COL4A1: variants seen among roughly 807,000 people sequenced by gnomAD.
The protein encoded by COL4A1 is collagen type IV alpha 1 chain.
A neutral mutation model predicts 216.6 loss-of-function variants in COL4A1; 40 were observed. That is an observed-to-expected ratio of 0.18 (90% confidence interval 0.14 to 0.24). The LOEUF (loss-of-function observed/expected upper bound fraction) is 0.24. COL4A1 is among the 10% of genes least tolerant of loss of function. The pLI is 1.00. For missense variants in COL4A1, 1,628 were observed against 2,196.8 expected (o/e 0.74, Z 5.18); for synonymous variants, 839 against 810.7 (o/e 1.03, Z -0.59).
chr13:110,205,791 AG>A (rs1566373424), intron 15 of COL4A1, among the ~76,000 whole-genome samples: 2 of 150,994 alleles, frequency 1.3e-5, no homozygotes, highest in Non-Finnish European at 3.0e-5. Context: ...TGAACCCAGG[AG>A]GCGGAGGTTG....
At chr13:110,298,367 C>T (rs796843777) in intron 1 of COL4A1, among the ~76,000 whole-genome samples, 1 of 152,308 alleles carries the variant, frequency 6.6e-6, no homozygotes, top group African/African-American at 2.4e-5. Context: ...TCAAGAAGAT[C>T]GCCCACTACA....
rs1278590817 is a variant in COL4A1, at chr13:110,182,952, C to T, written c.2095+41G>A. The T allele has an allele frequency of 3.2e-6, 5 of 1,569,044 alleles. No homozygotes were observed. In the East Asian group the frequency reaches 1.1e-4, roughly 36 times the overall value. ...CCACCTCCTCTTTTCTCACAGAAGTCACAGGTGGACCAAAGGCTCGGGTCC... is the reference window on the plus strand; with the variant it reads ...CCACCTCCTCTTTTCTCACAGAAGTTACAGGTGGACCAAAGGCTCGGGTCC... On this transcript the variant is annotated intron_variant, in intron 28 of 51. Transcript: ENST00000375820.
intron 49 of COL4A1, among the ~76,000 whole-genome samples, chr13:110,159,760 T>C (rs1021257945): frequency 6.6e-6 from 1 of 152,232 alleles, no homozygotes; most frequent in Admixed American, 6.5e-5. Flanking sequence ...CAATGAAATA[T>C]TATTTGGCCC....
chr13:110,297,200 C>A (rs1410836152), intron 1 of COL4A1, among the ~76,000 whole-genome samples: 2 of 152,208 alleles, frequency 1.3e-5, no homozygotes, highest in Admixed American at 6.5e-5. Flanking sequence ...TTCCCAGGGA[C>A]CAGCCTAACT....
intron 36 of COL4A1, 98 bp from the exon 37 acceptor site, chr13:110,175,455 GA>G: frequency 6.4e-7 from 1 of 1,559,218 alleles, no homozygotes; most frequent in Non-Finnish European, 8.7e-7. Flanking sequence ...TGAGATACAA[GA>G]ACGTGAATCC....
At chr13:110,249,611 T>C (rs980182548) in intron 1 of COL4A1, among the ~76,000 whole-genome samples, 3 of 152,132 alleles carry the variant, frequency 2.0e-5, no homozygotes, top group African/African-American at 7.2e-5. Context: ...AGAAGAGGAC[T>C]CCAGGGACTT....
intron 1 of COL4A1, among the ~76,000 whole-genome samples, chr13:110,287,429 T>C (rs982101793): frequency 6.6e-6 from 1 of 152,230 alleles, no homozygotes; most frequent in African/African-American, 2.4e-5. Context: ...CTTATCTTTG[T>C]GAAGTTCCCG....
intron 2 of COL4A1, among the ~76,000 whole-genome samples, chr13:110,230,719 C>A (rs1881007939): frequency 6.6e-6 from 1 of 152,338 alleles, no homozygotes; most frequent in East Asian, 1.9e-4. Flanking sequence ...CTGTTCCTCA[C>A]GTTTGCTGGA....
chr13:110,259,976 C>T (rs1882748983), intron 1 of COL4A1, among the ~76,000 whole-genome samples: 1 of 152,180 alleles, frequency 6.6e-6, no homozygotes, highest in Non-Finnish European at 1.5e-5. Context: ...ACTCTGAAGG[C>T]TGCTGTACAT....
At position 110,206,705 on chromosome 13, in the gene COL4A1, C is replaced by G. The variant is rs763265579; in HGVS notation, c.818G>C (p.Gly273Ala). The G allele has an allele frequency of 1.2e-6, 2 of 1,614,152 alleles. No individual in the cohort carries two copies. Among genetic ancestry groups the G allele is most frequent in the East Asian group, 2.2e-5 (1 of 44,892 alleles). ...TCCGGGTTCACCTTTCTCTCCGACC[C>G]CTGGCATCCCCTTAAAGGAATAAAA... ...KGEPGFQGMP[G>A]VGEKGEPGKP... The change falls in exon 15 of 52, where the codon GGG (glycine) becomes GCG (alanine). Residue 273 changes from glycine (G) to alanine (A), a missense_variant. This residue lies in a region of COL4A1 where 701 missense variants were observed against 892.5 expected (regional missense o/e 0.79). Coordinates refer to ENST00000375820, the MANE Select transcript of COL4A1 (RefSeq NM_001845.6).
intron 41 of COL4A1, among the ~76,000 whole-genome samples, chr13:110,172,379 A>G (rs1406082210): frequency 2.6e-5 from 4 of 152,228 alleles, no homozygotes; most frequent in Non-Finnish European, 5.9e-5. Flanking sequence ...CTGCATTCAC[A>G]TAAGTATAAC....
intron 1 of COL4A1, among the ~76,000 whole-genome samples, chr13:110,248,756 A>G (rs1881949175): frequency 1.3e-5 from 2 of 152,072 alleles, no homozygotes; most frequent in South Asian, 4.1e-4. Flanking sequence ...GCCTCCCAAA[A>G]CGCTGGGATT....
At chr13:110,196,746 G>C (rs1470832822) in intron 21 of COL4A1, among the ~76,000 whole-genome samples, 1 of 152,202 alleles carries the variant, frequency 6.6e-6, no homozygotes, top group Non-Finnish European at 1.5e-5. Flanking sequence ...TGCAGCCACA[G>C]ATGGTTTAGA....
Position 110,306,996 on chromosome 13 carries a change from A to G in COL4A1, c.32T>C (p.Leu11Pro). 1 of 1,477,408 alleles carries G rather than the reference A, an allele frequency of 6.8e-7. No individual in the cohort carries two copies. The highest frequency in any genetic ancestry group is 1.3e-5 in the South Asian group (1 of 77,958). 91.5% of individuals were successfully genotyped at this position (1,477,408 alleles called of 1,614,324 possible). A position where few individuals can be genotyped will look rare whatever the true frequency, so the allele number is the denominator to read the frequency against. Reference sequence around the variant, plus strand: ...GTGGAGCAGAAGGGCGGCGGGCAGCAGCAGCAGCCAGACGCTGAGCCGGGG... The same window carrying G: ...GTGGAGCAGAAGGGCGGCGGGCAGCGGCAGCAGCCAGACGCTGAGCCGGGG... MGPRLSVWLL[L>P]LPAALLLHEE... The change falls in exon 1 of 52, where the codon CTG (leucine) becomes CCG (proline). Residue 11 changes from leucine to proline, a missense_variant. Leu to Pro is a moderately conservative substitution (Grantham distance 98). Around this residue, in one of 8 missense-constraint regions of COL4A1, gnomAD observed 74 missense variants for 61.7 expected, o/e 1.20. Coordinates refer to ENST00000375820, the MANE Select transcript of COL4A1 (RefSeq NM_001845.6).
At chr13:110,223,262 T>A (rs188295289) in intron 2 of COL4A1, among the ~76,000 whole-genome samples, 1 of 152,170 alleles carries the variant, frequency 6.6e-6, no homozygotes, top group African/African-American at 2.4e-5. Context: ...CTGCTAAACA[T>A]CCCACTGCCA....
intron 20 of COL4A1, among the ~76,000 whole-genome samples, chr13:110,199,461 C>A (rs1981316): frequency 0.43 from 65,560 of 152,166 alleles, 14,425 homozygotes; most frequent in Admixed American, 0.51. Context: ...CAACGTGCTC[C>A]AAGGCAGCCA....
chr13:110,212,226 C>A (rs1011610538), intron 6 of COL4A1, among the ~76,000 whole-genome samples, 191 bp downstream of exon 6: 1 of 152,132 alleles, frequency 6.6e-6, no homozygotes, highest in Non-Finnish European at 1.5e-5. Flanking sequence ...AAGAAAGGAA[C>A]AATTATATCT....
chr13:110,294,180 G>A lies in COL4A1; in HGVS notation c.84+12764C>T, dbSNP rs552297466. On this transcript the variant is annotated intron_variant, in intron 1 of 51. Coordinates refer to ENST00000375820, the MANE Select transcript of COL4A1 (RefSeq NM_001845.6). ...TGCCATTGTGCAGAGATGGTAGCACGACCACTCGGGTCCTGTGGAACTAGA... is the reference window on the plus strand; with the variant it reads ...TGCCATTGTGCAGAGATGGTAGCACAACCACTCGGGTCCTGTGGAACTAGA... 3.3e-5 allele frequency among the ~76,000 whole-genome samples: 5 copies of A among 152,256 alleles called. No individual in the cohort carries two copies. In the South Asian group the frequency reaches 1.0e-3, roughly 32 times the overall value.
chr13:110,215,433 C>T (rs926180645), intron 2 of COL4A1, among the ~76,000 whole-genome samples: 7 of 151,982 alleles, frequency 4.6e-5, no homozygotes, highest in East Asian at 1.9e-4. Flanking sequence ...TAGTGGTGCA[C>T]GCCTGTAATC....
Sources: gnomAD v4.1 joint callset for allele counts (sites outside exome capture counted in the v4.1 genomes callset) on GRCh38, gnomAD v4.1.1 for gene constraint, gnomAD v4.1.1 regional missense constraint, MANE v1.5 for transcripts, NCBI Gene and HGNC (gene_info 2026-07-23, HGNC 2026-07-21) for gene names.